NEDD4L: variants seen among roughly 807,000 people sequenced by gnomAD.
NEDD4L encodes the protein NEDD4 like E3 ubiquitin protein ligase.
In NEDD4L, 54 loss-of-function variants were observed where a neutral mutation model predicts 148.9. That is an observed-to-expected ratio of 0.36 (90% CI 0.29 to 0.45). The LOEUF is 0.45. Among genes scored for constraint, NEDD4L ranks in the 20% least tolerant of loss-of-function variants. The probability of loss-of-function intolerance (pLI) is 1.00; values close to 1 mark genes in which losing one functional copy is unlikely to be tolerated. For missense variants in NEDD4L, 856 were observed against 1,233.8 expected, an observed-to-expected ratio of 0.69 and a Z score of 4.59; for synonymous variants, 433 against 440.7, an observed-to-expected ratio of 0.98 and a Z score of 0.22.
intron 2 of NEDD4L, among the ~76,000 whole-genome samples, chr18:58,217,538 G>A (rs1489060353): frequency 6.6e-6 from 1 of 152,184 alleles, no homozygotes; most frequent in Non-Finnish European, 1.5e-5. Context: ...GCCATGGTGT[G>A]ATTGCAGCTC....
chr18:58,235,385 A>G (rs1023469133), intron 2 of NEDD4L, among the ~76,000 whole-genome samples: 1 of 152,190 alleles, frequency 6.6e-6, no homozygotes, highest in Non-Finnish European at 1.5e-5. Context: ...TGCAATGCAA[A>G]AGGGATACCG....
chr18:58,087,735 G>T lies in NEDD4L; in HGVS notation c.48+43027G>T, dbSNP rs544877556. Among the ~76,000 whole-genome samples the T allele has an allele frequency of 1.6e-3, 248 of 152,264 alleles. 3 individuals are homozygous for T. The highest frequency in any genetic ancestry group is 3.4e-3 in the Middle Eastern group (1 of 294). Reference sequence around the variant, plus strand: ...ACTAAAAATACAAAATTAGCTGGGTGTGGTGGTGCATGCCTGTAATCCCAG... The same window carrying T: ...ACTAAAAATACAAAATTAGCTGGGTTTGGTGGTGCATGCCTGTAATCCCAG... On this transcript the variant is annotated intron_variant, in intron 1 of 30. Transcript: ENST00000400345.
intron 1 of NEDD4L, among the ~76,000 whole-genome samples, chr18:58,119,789 A>G (rs1271074304): frequency 1.3e-5 from 2 of 152,276 alleles, no homozygotes; most frequent in East Asian, 1.9e-4. Flanking sequence ...CTCTGCCCCC[A>G]TGCCCTGGGG....
intron 5 of NEDD4L, among the ~76,000 whole-genome samples, chr18:58,258,136 C>A (rs1018179798): frequency 8.5e-5 from 13 of 152,128 alleles, no homozygotes. Flanking sequence ...TATCTCCTTT[C>A]TTTCATTATC....
At chr18:58,313,812 T>A (rs1291916295) in intron 5 of NEDD4L, among the ~76,000 whole-genome samples, 1 of 152,246 alleles carries the variant, frequency 6.6e-6, no homozygotes, top group Non-Finnish European at 1.5e-5. Flanking sequence ...AGTTTAGAAC[T>A]CAGATGTCTC....
chr18:58,374,667 C>A (rs1216338064), intron 24 of NEDD4L, among the ~76,000 whole-genome samples: 1 of 151,886 alleles, frequency 6.6e-6, no homozygotes, highest in Non-Finnish European at 1.5e-5. Context: ...CCTCTGCTGC[C>A]TTTGACACAA....
At chr18:58,346,835 C>G (rs2043134139) in intron 16 of NEDD4L, among the ~76,000 whole-genome samples, 1 of 151,970 alleles carries the variant, frequency 6.6e-6, no homozygotes, top group Admixed American at 6.6e-5. Flanking sequence ...CGTTAGTATT[C>G]CACTTTCTCA....
At chr18:58,371,203 A>ATTTTTTTTTTTTTTTTTTTTTTT in intron 23 of NEDD4L, among the ~76,000 whole-genome samples, 1 of 92,988 alleles carries the variant, frequency 1.1e-5, no homozygotes, top group Non-Finnish European at 1.9e-5. Flanking sequence ...TGCCTGGCTA[A>ATTTTTTTTTTTTTTTTTTTTTTT]TTTTTTTTTT....
At chr18:58,121,810 C>A (rs987656453) in intron 1 of NEDD4L, among the ~76,000 whole-genome samples, 1 of 152,206 alleles carries the variant, frequency 6.6e-6, no homozygotes, top group Non-Finnish European at 1.5e-5. Context: ...CTCAGCATAG[C>A]CTTTAGGCTA....
chr18:58,387,655 T>G (rs1193682964), intron 27 of NEDD4L, 157 bp downstream of exon 27: 2 of 856,582 alleles, frequency 2.3e-6, no homozygotes, highest in Non-Finnish European at 3.3e-6. Context: ...TATTTGCCAA[T>G]GTGGTTCTAT....
At chr18:58,373,120 A>AGTTTGTATT in intron 23 of NEDD4L, 54 bp from the exon 24 acceptor site, 1 of 903,938 alleles carries the variant, frequency 1.1e-6, no homozygotes, top group South Asian at 1.4e-5. Flanking sequence ...AAGTCAAATG[A>AGTTTGTATT]GTTTGTATTT....
intron 5 of NEDD4L, chr18:58,255,497 A>C: frequency 1.6e-6 from 2 of 1,230,588 alleles, no homozygotes; most frequent in Non-Finnish European, 2.0e-6. Context: ...TATTTCTGCT[A>C]TCTGTCGCTC....
intron 2 of NEDD4L, among the ~76,000 whole-genome samples, chr18:58,234,659 T>A (rs1240470000): frequency 3.3e-5 from 5 of 152,164 alleles, no homozygotes; most frequent in Non-Finnish European, 4.4e-5. Flanking sequence ...TGATTACCTC[T>A]GTGAAAACCC....
At chr18:58,253,055 C>T (rs890698873) in intron 5 of NEDD4L, among the ~76,000 whole-genome samples, 6 of 152,220 alleles carry the variant, frequency 3.9e-5, no homozygotes, top group Middle Eastern at 3.4e-3. Flanking sequence ...TCAAATTTAC[C>T]CTCTCTGAAA....
At chr18:58,369,383 T>G (rs2046527380) in intron 22 of NEDD4L, among the ~76,000 whole-genome samples, 2 of 152,206 alleles carry the variant, frequency 1.3e-5, no homozygotes. Context: ...AGAGTCCAAG[T>G]GCACATAGAT....
rs1419623047 is a variant in NEDD4L at position 58,089,593 on chromosome 18, A to G, written c.48+44885A>G. ...AAATAACACTTGAACCTTTGGATTCAAATGGTTTTAAATGCATCTCAGAAA... is the reference window on the plus strand; with the variant it reads ...AAATAACACTTGAACCTTTGGATTCGAATGGTTTTAAATGCATCTCAGAAA... On this transcript the variant is annotated intron_variant, in intron 1 of 30. Coordinates refer to ENST00000400345, the MANE Select transcript of NEDD4L (RefSeq NM_001144967.3). 2.0e-5 allele frequency among the ~76,000 whole-genome samples: 3 copies of G among 152,126 alleles called. No individual in the cohort carries two copies. The East Asian group carries it at 5.8e-4, about 29-fold the overall frequency.
Position 58,365,986 on chromosome 18 carries a change from G to T in NEDD4L, c.1834-13G>T. On this transcript the variant is annotated splice_polypyrimidine_tract_variant and intron_variant, in intron 20 of 30. Transcript: ENST00000400345. Reference sequence around the variant, plus strand: ...ACTGTATGATTATGTGTTTTCTTTTGTCTTTTGTGTAGGCTGATATCCCCA... The same window carrying T: ...ACTGTATGATTATGTGTTTTCTTTTTTCTTTTGTGTAGGCTGATATCCCCA... The T allele has an allele frequency of 5.1e-6, 8 of 1,563,056 alleles. No homozygotes were observed. Among genetic ancestry groups the T allele is most frequent in the South Asian group, 1.2e-5 (1 of 85,226 alleles).
intron 1 of NEDD4L, among the ~76,000 whole-genome samples, chr18:58,108,655 A>G (rs1027662007): frequency 6.6e-6 from 1 of 152,190 alleles, no homozygotes; most frequent in Non-Finnish European, 1.5e-5. Flanking sequence ...TCCTGAGCTC[A>G]GGTGATCCAC....
chr18:58,089,866 G>C (rs963796847), intron 1 of NEDD4L, among the ~76,000 whole-genome samples: 2 of 145,274 alleles, frequency 1.4e-5, no homozygotes, highest in Admixed American at 7.0e-5. Context: ...TTGAGACAGA[G>C]TCTTACTCTG....
Sources: allele counts gnomAD v4.1 joint callset (sites outside exome capture counted in the v4.1 genomes callset), GRCh38; gene constraint gnomAD v4.1.1; transcripts MANE v1.5; gene names NCBI Gene and HGNC (gene_info 2026-07-23, HGNC 2026-07-21).